Variants in FHIT observed in about 807,000 individuals in gnomAD.
FHIT encodes fragile histidine triad diadenosine triphosphatase.
Under a neutral mutation model 17.9 loss-of-function variants are expected in FHIT, and 19 were observed. That is an observed-to-expected ratio of 1.06 (90% CI 0.74 to 1.56). The LOEUF (loss-of-function observed/expected upper bound fraction) is 1.56, where lower values mean the gene tolerates loss of function less well. Among genes scored for constraint, FHIT ranks in the 40% most tolerant of loss-of-function variants. FHIT has a pLI of 0.00. For missense variants in FHIT, 248 were observed against 189.2 expected, an observed-to-expected ratio of 1.31 and a Z score of -1.82; for synonymous variants, 81 against 69.7, an observed-to-expected ratio of 1.16 and a Z score of -0.81.
At chr3:60,790,926 T>C (rs1435054500) in intron 4 of FHIT, among the ~76,000 whole-genome samples, 1 of 152,228 alleles carries the variant, frequency 6.6e-6, no homozygotes, top group Admixed American at 6.5e-5. Context: ...GAAACCTCTG[T>C]ACTGTACTTT....
chr3:60,254,491 G>C (rs545732978), intron 5 of FHIT, among the ~76,000 whole-genome samples: 3 of 152,126 alleles, frequency 2.0e-5, no homozygotes, highest in East Asian at 3.8e-4. Context: ...AAAACACCTA[G>C]AGTATTAGCA....
chr3:61,187,849 T>C (rs1302747118), intron 2 of FHIT, among the ~76,000 whole-genome samples: 2 of 152,112 alleles, frequency 1.3e-5, no homozygotes, highest in African/African-American at 4.8e-5. Context: ...CATCACGAAA[T>C]GAAGGTAGAA....
chr3:60,437,066 C>T (rs574896968), intron 5 of FHIT, among the ~76,000 whole-genome samples: 2 of 152,212 alleles, frequency 1.3e-5, no homozygotes, highest in East Asian at 3.9e-4. Flanking sequence ...ATCTCTTCCC[C>T]CTGTTCACAG....
intron 5 of FHIT, among the ~76,000 whole-genome samples, chr3:60,490,929 C>T (rs1260152722): frequency 6.6e-6 from 1 of 152,136 alleles, no homozygotes; most frequent in Non-Finnish European, 1.5e-5. Context: ...CTGGTCGATG[C>T]TTTGACCTTT....
At chr3:61,135,060 T>C (rs1174929436) in intron 2 of FHIT, among the ~76,000 whole-genome samples, 1 of 152,130 alleles carries the variant, frequency 6.6e-6, no homozygotes, top group Admixed American at 6.5e-5. Context: ...GTCACCACAG[T>C]TGTTGCTGAA....
intron 5 of FHIT, among the ~76,000 whole-genome samples, chr3:60,112,981 C>A (rs1298050654): frequency 1.3e-5 from 2 of 152,190 alleles, no homozygotes; most frequent in Admixed American, 1.3e-4. Flanking sequence ...GATGGACAAT[C>A]TGTTGAGTGT....
At chr3:60,862,851 C>CAA (rs35183529) in intron 3 of FHIT, among the ~76,000 whole-genome samples, 1,171 of 107,566 alleles carry the variant, frequency 0.011, 13 homozygotes, top group African/African-American at 0.034. Flanking sequence ...AACTCCCTCT[C>CAA]AAAAAAAAAA....
intron 2 of FHIT, among the ~76,000 whole-genome samples, chr3:61,150,941 T>C (rs2037369016): frequency 1.3e-5 from 2 of 152,230 alleles, no homozygotes; most frequent in Non-Finnish European, 1.5e-5. Flanking sequence ...ATTGCATTCA[T>C]GGAAAGCATT....
chr3:61,055,310 T>G (rs2034178427), intron 2 of FHIT, among the ~76,000 whole-genome samples: 1 of 152,142 alleles, frequency 6.6e-6, no homozygotes, highest in African/African-American at 2.4e-5. Flanking sequence ...TCCACTAAAC[T>G]TGAACTCAAA....
At chr3:60,000,602 G>C (rs190695379) in intron 7 of FHIT, among the ~76,000 whole-genome samples, 2 of 151,954 alleles carry the variant, frequency 1.3e-5, no homozygotes, top group African/African-American at 2.4e-5. Flanking sequence ...AGGGAGGGTA[G>C]GAAGAATGCT....
At chr3:60,573,930 C>A (rs2037475674) in intron 4 of FHIT, among the ~76,000 whole-genome samples, 1 of 152,012 alleles carries the variant, frequency 6.6e-6, no homozygotes, top group Non-Finnish European at 1.5e-5. Context: ...CTGCCTCAGC[C>A]TCCTGAGTAG....
At chr3:59,823,231 C>T (rs1700857404) in intron 8 of FHIT, among the ~76,000 whole-genome samples, 1 of 152,120 alleles carries the variant, frequency 6.6e-6, no homozygotes, top group African/African-American at 2.4e-5. Flanking sequence ...AATGTGATGC[C>T]TCCAGATTTG....
At chr3:60,362,143 T>C (rs2107004973) in intron 5 of FHIT, among the ~76,000 whole-genome samples, 1 of 152,276 alleles carries the variant, frequency 6.6e-6, no homozygotes. Flanking sequence ...ATATAGATAG[T>C]GAAATGGTTA....
chr3:60,650,483 C>T (rs1191582241), intron 4 of FHIT, among the ~76,000 whole-genome samples: 2 of 152,194 alleles, frequency 1.3e-5, no homozygotes, highest in Non-Finnish European at 2.9e-5. Context: ...ATTCAAGACA[C>T]AGCTATAGCT....
At chr3:59,821,894 C>T (rs550943029) in intron 8 of FHIT, among the ~76,000 whole-genome samples, 8 of 152,020 alleles carry the variant, frequency 5.3e-5, no homozygotes, top group Non-Finnish European at 1.0e-4. Context: ...TTTTGGTGCA[C>T]CCAACACCTG....
intron 2 of FHIT, among the ~76,000 whole-genome samples, chr3:61,179,529 A>C (rs960058665): frequency 1.1e-4 from 17 of 151,848 alleles, no homozygotes; most frequent in African/African-American, 3.9e-4. Flanking sequence ...GGCAACAATA[A>C]TGAGACTCTG....
chr3:59,793,472 G>C (rs2106939808), intron 8 of FHIT, among the ~76,000 whole-genome samples: 1 of 152,246 alleles, frequency 6.6e-6, no homozygotes, highest in South Asian at 2.1e-4. Context: ...AGAGGAGCCA[G>C]CCTTGCCCAA....
intron 8 of FHIT, among the ~76,000 whole-genome samples, chr3:59,788,737 T>C (rs1381163878): frequency 6.6e-6 from 1 of 152,106 alleles, no homozygotes; most frequent in Admixed American, 6.6e-5. Context: ...AATTTGCACA[T>C]TAACCTGCCA....
At chr3:60,345,643 C>G (rs965332336) in intron 5 of FHIT, among the ~76,000 whole-genome samples, 2 of 152,160 alleles carry the variant, frequency 1.3e-5, no homozygotes, top group African/African-American at 4.8e-5. Flanking sequence ...AGTAGACTAT[C>G]GTCTCAAGAT....
Sources: gnomAD v4.1 joint callset for allele counts (sites outside exome capture counted in the v4.1 genomes callset) on GRCh38, gnomAD v4.1.1 for gene constraint, MANE v1.5 for transcripts, NCBI Gene and HGNC (gene_info 2026-07-23, HGNC 2026-07-21) for gene names.